TMTC2: variants seen among roughly 807,000 people sequenced by gnomAD.
TMTC2 encodes the protein transmembrane O-mannosyltransferase targeting cadherins 2, also known as protein O-mannosyl-transferase TMTC2.
TMTC2 carries 43 observed loss-of-function variants against 82.4 expected under a neutral mutation model. The ratio of observed to expected loss-of-function variants is 0.52; its 90% CI spans 0.41 to 0.67. The LOEUF (loss-of-function observed/expected upper bound fraction) is 0.67, where lower values mean the gene tolerates loss of function less well. Among genes scored for constraint, TMTC2 ranks in the 30% least tolerant of loss-of-function variants. The pLI is 0.00. For synonymous variants in TMTC2, 408 were observed against 381.9 expected, an observed-to-expected ratio of 1.07 and a Z score of -0.80; for missense variants, 919 against 1,012.4, an observed-to-expected ratio of 0.91 and a Z score of 1.25.
intron 4 of TMTC2, among the ~76,000 whole-genome samples, chr12:82,939,630 A>C (rs1341710358): frequency 6.6e-6 from 1 of 152,168 alleles, no homozygotes; most frequent in Non-Finnish European, 1.5e-5. Flanking sequence ...TAAAGTGGAT[A>C]TGTTTACCTA....
chr12:82,843,086 C>A (rs1278795995), intron 1 of TMTC2, among the ~76,000 whole-genome samples: 1 of 151,936 alleles, frequency 6.6e-6, no homozygotes, highest in Non-Finnish European at 1.5e-5. Flanking sequence ...TCTTTACTGA[C>A]CCTAATAGTC....
chr12:83,073,049 GT>G (rs34935782), intron 11 of TMTC2, among the ~76,000 whole-genome samples: 1 of 149,120 alleles, frequency 6.7e-6, no homozygotes, highest in African/African-American at 2.5e-5. Flanking sequence ...GTGTACTTTG[GT>G]TTTTTTTTTA....
At chr12:83,012,919 T>G (rs1431998427) in intron 8 of TMTC2, among the ~76,000 whole-genome samples, 1 of 152,206 alleles carries the variant, frequency 6.6e-6, no homozygotes, top group Non-Finnish European at 1.5e-5. Context: ...TTTATGTATT[T>G]CAGCTGAAGA....
chr12:82,956,494 G>C (rs918313818), intron 4 of TMTC2, among the ~76,000 whole-genome samples: 1 of 152,078 alleles, frequency 6.6e-6, no homozygotes, highest in Non-Finnish European at 1.5e-5. Context: ...ATGTCACCCA[G>C]GCTAGAGTAC....
intron 1 of TMTC2, among the ~76,000 whole-genome samples, chr12:82,769,181 G>A (rs1054835295): frequency 7.9e-5 from 12 of 151,906 alleles, no homozygotes; most frequent in African/African-American, 2.9e-4. Context: ...AACTTAAGAT[G>A]TAAGTGGTAG....
intron 1 of TMTC2, among the ~76,000 whole-genome samples, chr12:82,719,328 G>A (rs1017919288): frequency 1.3e-5 from 2 of 151,690 alleles, no homozygotes; most frequent in Admixed American, 1.3e-4. Flanking sequence ...TCCTGACCTC[G>A]TGATCCACCC....
chr12:82,731,119 A>G (rs947787207), intron 1 of TMTC2, among the ~76,000 whole-genome samples: 2 of 152,252 alleles, frequency 1.3e-5, no homozygotes, highest in African/African-American at 4.8e-5. Context: ...ACATTCAACA[A>G]ATGAAAAAAA....
At chr12:82,771,346 T>A (rs974287744) in intron 1 of TMTC2, among the ~76,000 whole-genome samples, 10 of 152,182 alleles carry the variant, frequency 6.6e-5, no homozygotes, top group African/African-American at 1.9e-4. Flanking sequence ...TCTTTTTTGG[T>A]CTTTCAATTA....
intron 1 of TMTC2, among the ~76,000 whole-genome samples, chr12:82,695,992 A>G (rs1279799987): frequency 6.6e-6 from 1 of 152,218 alleles, no homozygotes; most frequent in Non-Finnish European, 1.5e-5. Flanking sequence ...TCAAGGTAAA[A>G]TAGTTGGGTT....
chr12:83,011,979 G>T (rs1397014467), intron 8 of TMTC2, among the ~76,000 whole-genome samples: 1 of 152,102 alleles, frequency 6.6e-6, no homozygotes, highest in African/African-American at 2.4e-5. Context: ...CTAAAGCAAG[G>T]ATTGGCCCAA....
chr12:82,928,932 G>A (rs1257768290), intron 3 of TMTC2, among the ~76,000 whole-genome samples: 1 of 152,104 alleles, frequency 6.6e-6, no homozygotes, highest in African/African-American at 2.4e-5. Context: ...GGCATAAAGT[G>A]TATTGTATTT....
intron 1 of TMTC2, among the ~76,000 whole-genome samples, chr12:82,835,027 A>G (rs1869958099): frequency 6.6e-6 from 1 of 151,810 alleles, no homozygotes; most frequent in Non-Finnish European, 1.5e-5. Flanking sequence ...ATGCCCAGCT[A>G]ATTTTTGTAT....
chr12:82,831,732 A>G (rs1869760983), intron 1 of TMTC2, among the ~76,000 whole-genome samples: 1 of 151,936 alleles, frequency 6.6e-6, no homozygotes, highest in Non-Finnish European at 1.5e-5. Context: ...CAATCCTTTA[A>G]TTTTTCCCAT....
chr12:82,825,983 A>G (rs1047334365), intron 1 of TMTC2, among the ~76,000 whole-genome samples: 1 of 152,208 alleles, frequency 6.6e-6, no homozygotes, highest in Non-Finnish European at 1.5e-5. Flanking sequence ...CCATAGCTTC[A>G]AAAACTTATT....
intron 11 of TMTC2, 111 bp downstream of exon 11, chr12:83,061,942 G>T: frequency 1.2e-6 from 1 of 833,242 alleles, no homozygotes; most frequent in Non-Finnish European, 1.8e-6. Context: ...GTTTTGTTTT[G>T]TTTTTTCTTT....
intron 11 of TMTC2, among the ~76,000 whole-genome samples, chr12:83,086,631 A>G (rs941134140): frequency 6.6e-6 from 1 of 152,154 alleles, no homozygotes. Context: ...CAAATATCAC[A>G]ACAGAGTCAC....
At chr12:82,833,796 C>A (rs1222293355) in intron 1 of TMTC2, among the ~76,000 whole-genome samples, 1 of 152,132 alleles carries the variant, frequency 6.6e-6, no homozygotes, top group Non-Finnish European at 1.5e-5. Context: ...AAACGTGAGG[C>A]AAATATAGCC....
chr12:83,102,430 C>T (rs971897058), intron 11 of TMTC2, among the ~76,000 whole-genome samples: 5 of 152,136 alleles, frequency 3.3e-5, no homozygotes, highest in African/African-American at 1.2e-4. Context: ...TAGACTTTAT[C>T]TTGGCAAGAG....
intron 1 of TMTC2, among the ~76,000 whole-genome samples, chr12:82,766,199 G>T (rs1475584455): frequency 1.3e-5 from 2 of 152,204 alleles, no homozygotes; most frequent in Non-Finnish European, 2.9e-5. Flanking sequence ...GGCAGAGTAT[G>T]CTTCAAATTT....
Sources: allele counts gnomAD v4.1 joint callset (sites outside exome capture counted in the v4.1 genomes callset), GRCh38; gene constraint gnomAD v4.1.1; transcripts MANE v1.5; gene names NCBI Gene and HGNC (gene_info 2026-07-23, HGNC 2026-07-21).